LARP4B: variants seen among roughly 807,000 people sequenced by gnomAD.
LARP4B encodes the protein La ribonucleoprotein 4B.
A neutral mutation model predicts 89.8 loss-of-function variants in LARP4B; 12 were observed. The observed-to-expected ratio is 0.13, with a 90% CI of 0.09 to 0.22. The LOEUF (loss-of-function observed/expected upper bound fraction) is 0.22, where lower values mean the gene tolerates loss of function less well. LARP4B is among the 10% of genes least tolerant of loss of function. LARP4B has a pLI of 1.00. For synonymous variants in LARP4B, 367 were observed against 363.3 expected (o/e 1.01, Z -0.12); for missense variants, 757 against 947.7 (o/e 0.80, Z 2.64).
At chr10:866,830 T>C (rs1387318847) in intron 3 of LARP4B, among the ~76,000 whole-genome samples, 1 of 152,226 alleles carries the variant, frequency 6.6e-6, no homozygotes, top group African/African-American at 2.4e-5. Context: ...TTGTGGTTTA[T>C]TAATACAGAC....
chr10:939,420 A>T, the LARP4B span, among the ~76,000 whole-genome samples: 1 of 152,236 alleles, frequency 6.6e-6, no homozygotes, highest in Non-Finnish European at 1.5e-5. Flanking sequence ...CTCTAGGGCT[A>T]CAGCCTTTGC....
the LARP4B span, among the ~76,000 whole-genome samples, chr10:943,386 T>C: frequency 6.6e-6 from 1 of 152,130 alleles, no homozygotes; most frequent in African/African-American, 2.4e-5. Flanking sequence ...AGCAAGCATT[T>C]GAACATAGCA....
Position 827,105 on chromosome 10 carries a change from C to G in LARP4B, c.1126-1235G>C, listed in dbSNP as rs1469346429. 2.0e-5 allele frequency among the ~76,000 whole-genome samples: 3 copies of G among 152,110 alleles called. No individual in the cohort carries two copies. The East Asian group carries it at 5.8e-4, about 29-fold the overall frequency. ...CCTGGCTAACATGGTGAAACCCCGT[C>G]TCTACTAAAAATACAAAAAAATTAT... On this transcript the variant is annotated intron_variant, in intron 11 of 17. Transcript: ENST00000316157.
At chr10:888,337 CAAAA>C (rs547831151) in intron 1 of LARP4B, among the ~76,000 whole-genome samples, 5 of 123,776 alleles carry the variant, frequency 4.0e-5, no homozygotes, top group African/African-American at 9.3e-5. Context: ...AACAAACAAA[CAAAA>C]AAAAAAAAAC....
chr10:814,458 G>C lies in LARP4B; in HGVS notation c.1929+284C>G, dbSNP rs779103984. ...TGCTGAAATGATCCTAAAGTCTATG[G>C]AGAAACAGGAGCTGGGGTCTTGTTA... On this transcript the variant is annotated intron_variant, in intron 17 of 17. Transcript: ENST00000316157. This position sits in a 1 kb window ranked among gnomAD's most constrained non-coding sequence, Gnocchi z 4.4. 1.6e-5 allele frequency: 8 copies of C among 493,990 alleles called. No individual in the cohort carries two copies. The highest frequency in any genetic ancestry group is 3.0e-5 in the Non-Finnish European group (8 of 266,622). The allele number at this position is 493,990 out of a possible 1,614,324, so 30.6% of individuals were successfully genotyped here.
intron 1 of LARP4B, among the ~76,000 whole-genome samples, chr10:931,051 TC>T (rs1014508094): frequency 2.7e-5 from 4 of 149,810 alleles, no homozygotes; most frequent in African/African-American, 9.8e-5. Flanking sequence ...GGCCCGGTCT[TC>T]CGGGCACCCA....
intron 1 of LARP4B, among the ~76,000 whole-genome samples, chr10:931,107 C>G (rs1393712920): frequency 6.6e-6 from 1 of 151,040 alleles, no homozygotes. Flanking sequence ...TCCTAAGCCC[C>G]GGCCCCGGCC....
chr10:861,145 G>A (rs928108659), intron 5 of LARP4B, among the ~76,000 whole-genome samples: 4 of 152,114 alleles, frequency 2.6e-5, no homozygotes, highest in Non-Finnish European at 5.9e-5. Context: ...GACACAGCAA[G>A]ACTCCATCTC....
At chr10:950,296 C>G in the LARP4B span, among the ~76,000 whole-genome samples, 1 of 152,140 alleles carries the variant, frequency 6.6e-6, no homozygotes, top group East Asian at 1.9e-4. Context: ...TGCTGGTAAG[C>G]AATCTTATAT....
chr10:911,636 A>C (rs1836667521), intron 1 of LARP4B, among the ~76,000 whole-genome samples: 1 of 151,940 alleles, frequency 6.6e-6, no homozygotes, highest in Non-Finnish European at 1.5e-5. Context: ...ACTTCTAATG[A>C]CTCTGAGACC....
At chr10:868,187 G>A (rs1240010420) in intron 3 of LARP4B, among the ~76,000 whole-genome samples, 1 of 151,978 alleles carries the variant, frequency 6.6e-6, no homozygotes, top group Non-Finnish European at 1.5e-5. Flanking sequence ...GGAGAAGGGG[G>A]ACTGGCCGGT....
intron 1 of LARP4B, among the ~76,000 whole-genome samples, chr10:915,936 C>T (rs112988218): frequency 1.9e-4 from 29 of 152,090 alleles, no homozygotes; most frequent in Non-Finnish European, 3.5e-4. Flanking sequence ...GAACAACATC[C>T]TTTTCAATAT....
At chr10:913,195 G>A (rs1836721294) in intron 1 of LARP4B, among the ~76,000 whole-genome samples, 1 of 152,172 alleles carries the variant, frequency 6.6e-6, no homozygotes, top group Non-Finnish European at 1.5e-5. Context: ...TTGTTTAGGG[G>A]AGTGGAACAG....
the LARP4B span, among the ~76,000 whole-genome samples, chr10:940,503 C>T: frequency 2.0e-5 from 3 of 152,334 alleles, no homozygotes; most frequent in South Asian, 4.1e-4. Context: ...TAGCCAGGCT[C>T]GTCTTGGGCC....
At chr10:951,553 A>G in the LARP4B span, among the ~76,000 whole-genome samples, 3 of 152,258 alleles carry the variant, frequency 2.0e-5, no homozygotes, top group East Asian at 3.9e-4. Context: ...CTAAAAAAAA[A>G]AAGTCCACTC....
At chr10:887,853 A>AT (rs1322412061) in intron 1 of LARP4B, among the ~76,000 whole-genome samples, 4 of 150,880 alleles carry the variant, frequency 2.7e-5, no homozygotes, top group East Asian at 2.0e-4. Context: ...GTGAAACCCC[A>AT]ATCTACTAAA....
chr10:880,139 T>C (rs531723277), intron 3 of LARP4B, among the ~76,000 whole-genome samples: 7 of 152,274 alleles, frequency 4.6e-5, no homozygotes, highest in African/African-American at 4.8e-5. Flanking sequence ...ACCTGCAAGA[T>C]TAACATACCA....
At chr10:808,034 A>G (rs1397760055), downstream of LARP4B, 4 of 152,290 alleles carry the variant, frequency 2.6e-5, no homozygotes, top group South Asian at 4.1e-4. Context: ...AGATGTGGAT[A>G]TAGCAAGGAA....
intron 1 of LARP4B, among the ~76,000 whole-genome samples, chr10:894,602 C>CT (rs1836133019): frequency 6.6e-6 from 1 of 151,906 alleles, no homozygotes; most frequent in African/African-American, 2.4e-5. Flanking sequence ...TTAAGGTTGC[C>CT]TAGGTAATAA....
Sources: allele counts gnomAD v4.1 joint callset (sites outside exome capture counted in the v4.1 genomes callset), GRCh38; gene constraint gnomAD v4.1.1; non-coding constraint Gnocchi (gnomAD v3.1); transcripts MANE v1.5; gene names NCBI Gene and HGNC (gene_info 2026-07-23, HGNC 2026-07-21).